Variants in STAG1 observed in about 807,000 individuals in gnomAD.
STAG1 encodes STAG1 cohesin complex component, also known as cohesin subunit SA-1.
Under a neutral mutation model 170.9 loss-of-function variants are expected in STAG1, and 26 were observed. That is an observed-to-expected ratio of 0.15 (90% CI 0.11 to 0.21). STAG1 has a LOEUF of 0.21. Among genes scored for constraint, STAG1 ranks in the 10% least tolerant of loss-of-function variants. STAG1 has a pLI of 1.00. For synonymous variants in STAG1, 514 were observed against 497.7 expected, an observed-to-expected ratio of 1.03 and a Z score of -0.44; for missense variants, 964 against 1,509.5, an observed-to-expected ratio of 0.64 and a Z score of 5.99.
intron 1 of STAG1, among the ~76,000 whole-genome samples, chr3:136,695,390 T>C (rs1225635310): frequency 4.0e-5 from 6 of 151,458 alleles, no homozygotes; most frequent in South Asian, 2.1e-4. Flanking sequence ...TGCGCCGAGA[T>C]TGCACCACTG....
intron 13 of STAG1, among the ~76,000 whole-genome samples, chr3:136,454,725 TGAG>T (rs1321928229): frequency 2.0e-5 from 3 of 152,198 alleles, no homozygotes; most frequent in African/African-American, 7.2e-5. Context: ...AATAAGGTAT[TGAG>T]GAATTTGCTT....
intron 1 of STAG1, among the ~76,000 whole-genome samples, chr3:136,722,609 A>ACTCTCC (rs757130573): frequency 0.015 from 2,134 of 143,704 alleles, 62 homozygotes; most frequent in African/African-American, 0.051. Context: ...GGAGAGCATG[A>ACTCTCC]CTCTCCCTCT....
rs750312694 is a variant in STAG1 at position 136,340,449 on chromosome 3, C to G, written c.3672+42G>C. 3.8e-6 allele frequency: 5 copies of G among 1,305,694 alleles called. No homozygotes were observed. In the South Asian group the frequency reaches 5.9e-5, roughly 15 times the overall value. The allele number at this position is 1,305,694 out of a possible 1,614,324, so 80.9% of individuals were successfully genotyped here. On this transcript the variant is annotated intron_variant, in intron 32 of 33. Coordinates refer to ENST00000383202, the MANE Select transcript of STAG1 (RefSeq NM_005862.3). ...AGAGGATCATCTTACACCAATGCCC[C>G]CACATATTTTAACAAAAGAAAAATA...
At chr3:136,490,412 A>G (rs1236647843) in intron 9 of STAG1, among the ~76,000 whole-genome samples, 1 of 152,218 alleles carries the variant, frequency 6.6e-6, no homozygotes, top group African/African-American at 2.4e-5. Flanking sequence ...ATTATTAATA[A>G]GTAAAAACAG....
At chr3:136,463,326 T>C (rs186501747) in intron 13 of STAG1, among the ~76,000 whole-genome samples, 4 of 152,288 alleles carry the variant, frequency 2.6e-5, no homozygotes, top group South Asian at 2.1e-4. Flanking sequence ...TTTGTTATTG[T>C]AGCACTGAAT....
chr3:136,469,034 T>C (rs2089551253), intron 12 of STAG1, among the ~76,000 whole-genome samples: 2 of 152,180 alleles, frequency 1.3e-5, no homozygotes. Flanking sequence ...AATATCATAC[T>C]GAATGGGCAA....
chr3:136,723,318 G>A (rs1933421905), intron 1 of STAG1, among the ~76,000 whole-genome samples: 1 of 151,264 alleles, frequency 6.6e-6, no homozygotes, highest in Non-Finnish European at 1.5e-5. Flanking sequence ...CATCGTCTGA[G>A]ATGTGGGGAG....
At chr3:136,493,241 G>A (rs2090155067) in intron 9 of STAG1, among the ~76,000 whole-genome samples, 1 of 152,122 alleles carries the variant, frequency 6.6e-6, no homozygotes, top group South Asian at 2.1e-4. Context: ...TACTCAGGAG[G>A]CTGAGGTGGG....
At chr3:136,560,392 G>T (rs562513160) in intron 5 of STAG1, among the ~76,000 whole-genome samples, 1 of 152,102 alleles carries the variant, frequency 6.6e-6, no homozygotes, top group East Asian at 1.9e-4. Context: ...TATCAACAAG[G>T]TATACTTTGA....
intron 22 of STAG1, among the ~76,000 whole-genome samples, chr3:136,382,140 T>G (rs1560074628): frequency 6.6e-6 from 1 of 152,216 alleles, no homozygotes; most frequent in Non-Finnish European, 1.5e-5. Context: ...TGCTAGGAGT[T>G]ACTAATGTTC....
Position 136,497,382 on chromosome 3 carries a change from CATG to C in STAG1, c.902+2838_902+2840del, listed in dbSNP as rs145491747. On this transcript the variant is annotated intron_variant, in intron 9 of 33. Transcript: ENST00000383202. ...CAACCATATATAGATAAAAACATAT[CATG>C]ATAATGTGGGCTTTATGCGTTCATG... is the stretch of plus-strand genomic sequence containing the variant. Among the ~76,000 whole-genome samples, 503 of 152,252 alleles carry C rather than the reference CATG, an allele frequency of 3.3e-3. 8 individuals carry two copies. In the East Asian group the frequency reaches 0.047, roughly 14 times the overall value.
chr3:136,384,566 T>A (rs951671841), intron 22 of STAG1, among the ~76,000 whole-genome samples: 1 of 151,674 alleles, frequency 6.6e-6, no homozygotes, highest in Non-Finnish European at 1.5e-5. Context: ...GTCAAGAGTT[T>A]GATACCAGCC....
At chr3:136,387,736 A>T (rs2086908731) in intron 22 of STAG1, among the ~76,000 whole-genome samples, 1 of 152,218 alleles carries the variant, frequency 6.6e-6, no homozygotes, top group South Asian at 2.1e-4. Flanking sequence ...GCTCTTGGCG[A>T]TCTGAATCCC....
At chr3:136,505,713 AAAG>A (rs1240303950) in intron 7 of STAG1, among the ~76,000 whole-genome samples, 3 of 152,236 alleles carry the variant, frequency 2.0e-5, no homozygotes, top group Non-Finnish European at 4.4e-5. Context: ...CTAGTGAGGA[AAAG>A]AAGACAATAA....
intron 1 of STAG1, among the ~76,000 whole-genome samples, chr3:136,664,237 T>G (rs530058271): frequency 6.6e-6 from 1 of 152,348 alleles, no homozygotes; most frequent in East Asian, 1.9e-4. Context: ...ACGGAATTTT[T>G]CTTTAGTTAT....
intron 1 of STAG1, among the ~76,000 whole-genome samples, chr3:136,750,043 T>C (rs1935149440): frequency 6.6e-6 from 1 of 152,156 alleles, no homozygotes; most frequent in African/African-American, 2.4e-5. Context: ...GCACTGAGAT[T>C]ATGAACATAC....
intron 7 of STAG1, among the ~76,000 whole-genome samples, chr3:136,507,121 A>G (rs1264525890): frequency 1.3e-5 from 2 of 152,242 alleles, no homozygotes; most frequent in East Asian, 3.8e-4. Flanking sequence ...AGATCAGCTA[A>G]AAGACTTGAT....
intron 1 of STAG1, among the ~76,000 whole-genome samples, chr3:136,706,375 A>C (rs1280354699): frequency 5.9e-5 from 9 of 152,228 alleles, no homozygotes; most frequent in African/African-American, 1.9e-4. Context: ...AAACTGATAA[A>C]AAAATTGAGC....
chr3:136,679,735 A>T (rs1942270435), intron 1 of STAG1, among the ~76,000 whole-genome samples: 1 of 149,982 alleles, frequency 6.7e-6, no homozygotes, highest in African/African-American at 2.4e-5. Context: ...TCTTAAAAAA[A>T]AAAAAAAAAA....
Sources: allele counts gnomAD v4.1 joint callset (sites outside exome capture counted in the v4.1 genomes callset), GRCh38; gene constraint gnomAD v4.1.1; transcripts MANE v1.5; gene names NCBI Gene and HGNC (gene_info 2026-07-23, HGNC 2026-07-21).